EFNA5: variants seen among roughly 807,000 people sequenced by gnomAD.
The protein encoded by EFNA5 is ephrin-A5.
Under a neutral mutation model 22.9 loss-of-function variants are expected in EFNA5, and 5 were observed. The ratio of observed to expected loss-of-function variants is 0.22; its 90% CI spans 0.11 to 0.46. EFNA5 has a LOEUF of 0.46. Among genes scored for constraint, EFNA5 ranks in the 20% least tolerant of loss-of-function variants. The probability of loss-of-function intolerance (pLI) is 0.99; values close to 1 mark genes in which losing one functional copy is unlikely to be tolerated. For synonymous variants in EFNA5, 113 were observed against 112.2 expected (o/e 1.01, Z -0.04); for missense variants, 237 against 293.3 (o/e 0.81, Z 1.40).
intron 1 of EFNA5, among the ~76,000 whole-genome samples, chr5:107,483,131 T>G (rs1463424511): frequency 6.6e-6 from 1 of 152,138 alleles, no homozygotes; most frequent in Non-Finnish European, 1.5e-5. Context: ...TCTTCTGATT[T>G]TTTTATACAG....
Position 107,403,997 on chromosome 5 carries a change from A to C in EFNA5, c.419-16226T>G, listed in dbSNP as rs1748150146. ...AAATGTCTGAAGTTTCTCAATCTTA[A>C]AATAGCCCAGAATCATATAGCTTAT... is the stretch of plus-strand genomic sequence containing the variant. On this transcript the variant is annotated intron_variant, in intron 2 of 4. Transcript: ENST00000333274. Among the ~76,000 whole-genome samples, 4 of 152,250 alleles carry C rather than the reference A, an allele frequency of 2.6e-5. No homozygotes were observed. The South Asian group carries it at 8.3e-4, about 31-fold the overall frequency.
chr5:107,595,670 A>G (rs1749459176), intron 1 of EFNA5, among the ~76,000 whole-genome samples: 1 of 152,208 alleles, frequency 6.6e-6, no homozygotes, highest in African/African-American at 2.4e-5. Flanking sequence ...TGCCGGGGGT[A>G]ACACCCATTC....
At chr5:107,441,500 C>T (rs1749256563) in intron 1 of EFNA5, among the ~76,000 whole-genome samples, 1 of 152,198 alleles carries the variant, frequency 6.6e-6, no homozygotes, top group African/African-American at 2.4e-5. Context: ...ATAACTGGGA[C>T]ATGATCTGAA....
intron 1 of EFNA5, among the ~76,000 whole-genome samples, chr5:107,514,086 T>C (rs1358808200): frequency 1.3e-5 from 2 of 152,192 alleles, no homozygotes; most frequent in African/African-American, 4.8e-5. Context: ...GCTGTTTCTG[T>C]CATGCTAAAT....
chr5:107,465,574 A>C (rs964070882), intron 1 of EFNA5, among the ~76,000 whole-genome samples: 1 of 152,176 alleles, frequency 6.6e-6, no homozygotes, highest in African/African-American at 2.4e-5. Context: ...GCTTCTGAGA[A>C]CTTAAGTCCA....
chr5:107,629,668 T>A (rs469425), intron 1 of EFNA5, among the ~76,000 whole-genome samples: 104,198 of 152,200 alleles, frequency 0.68, 36,047 homozygotes, highest in Non-Finnish European at 0.74. Flanking sequence ...AAAATGCTCA[T>A]AACTAAAGTT....
At chr5:107,409,570 G>A (rs1157407370) in intron 2 of EFNA5, among the ~76,000 whole-genome samples, 3 of 152,174 alleles carry the variant, frequency 2.0e-5, no homozygotes, top group Non-Finnish European at 4.4e-5. Flanking sequence ...GTGAGTGCCT[G>A]TCCTTCTATA....
chr5:107,484,756 C>T (rs1244124948), intron 1 of EFNA5, among the ~76,000 whole-genome samples: 1 of 150,844 alleles, frequency 6.6e-6, no homozygotes, highest in Non-Finnish European at 1.5e-5. Context: ...AGGTAGAGCA[C>T]AGGGAAGATG....
chr5:107,608,222 G>A (rs554233901), intron 1 of EFNA5, among the ~76,000 whole-genome samples: 1 of 152,146 alleles, frequency 6.6e-6, no homozygotes, highest in Admixed American at 6.5e-5. Context: ...TAGGTGTCTT[G>A]TTTGCTGCTC....
chr5:107,511,094 T>G (rs2112434094), intron 1 of EFNA5, among the ~76,000 whole-genome samples: 1 of 151,836 alleles, frequency 6.6e-6, no homozygotes, highest in African/African-American at 2.4e-5. Flanking sequence ...TGGCACGATC[T>G]TGGCTCACTG....
At chr5:107,669,201 AG>A (rs767537262) in intron 1 of EFNA5, among the ~76,000 whole-genome samples, 1 of 151,382 alleles carries the variant, frequency 6.6e-6, no homozygotes, top group Non-Finnish European at 1.5e-5. Context: ...CGCAGGAGAT[AG>A]AAAAAACTGG....
chr5:107,637,179 A>G (rs970176134), intron 1 of EFNA5, among the ~76,000 whole-genome samples: 3 of 152,186 alleles, frequency 2.0e-5, no homozygotes, highest in Admixed American at 2.0e-4. Context: ...CTTTTGATAA[A>G]CCATAACCAA....
intron 1 of EFNA5, among the ~76,000 whole-genome samples, chr5:107,555,290 CA>C (rs1188174398): frequency 6.6e-6 from 1 of 152,194 alleles, no homozygotes; most frequent in East Asian, 1.9e-4. Flanking sequence ...AGATACACAT[CA>C]CCCATTAATC....
chr5:107,453,229 CA>C (rs539094538), intron 1 of EFNA5, among the ~76,000 whole-genome samples: 542 of 152,192 alleles, frequency 3.6e-3, no homozygotes, highest in Non-Finnish European at 6.4e-3. Context: ...GCTATTTAGA[CA>C]TATTAGATAT....
intron 1 of EFNA5, among the ~76,000 whole-genome samples, chr5:107,429,861 A>C (rs572837151): frequency 1.2e-4 from 18 of 152,360 alleles, no homozygotes; most frequent in Non-Finnish European, 2.5e-4. Context: ...AATAATATGT[A>C]TATTTCCCCT....
chr5:107,402,466 C>T (rs572341106), intron 2 of EFNA5, among the ~76,000 whole-genome samples: 2 of 152,322 alleles, frequency 1.3e-5, no homozygotes, highest in African/African-American at 4.8e-5. Context: ...TTACTTTCAG[C>T]ATCATCATGC....
chr5:107,575,740 G>C (rs930274079), intron 1 of EFNA5, among the ~76,000 whole-genome samples: 2 of 152,116 alleles, frequency 1.3e-5, no homozygotes, highest in Non-Finnish European at 2.9e-5. Flanking sequence ...AGAATGAAAA[G>C]ATTTGGTAAA....
At chr5:107,516,764 C>A (rs1747490391) in intron 1 of EFNA5, among the ~76,000 whole-genome samples, 1 of 152,182 alleles carries the variant, frequency 6.6e-6, no homozygotes, top group African/African-American at 2.4e-5. Context: ...AAAGCCAGGG[C>A]TCCTTGCTCC....
chr5:107,380,909 G>T lies in EFNA5; in HGVS notation c.*346C>A. The T allele has an allele frequency of 2.3e-6, 1 of 436,698 alleles. No individual in the cohort carries two copies. The highest frequency in any genetic ancestry group is 3.8e-5 in the Admixed American group (1 of 26,396). The allele number at this position is 436,698 out of a possible 1,614,324, so 27.1% of individuals were successfully genotyped here. Reference sequence around the variant, plus strand: ...TGTCCATAGCCCGCTGACACAGTGCGCTAACGGAGGTGAGTTCTTAGAGGA... The same window carrying T: ...TGTCCATAGCCCGCTGACACAGTGCTCTAACGGAGGTGAGTTCTTAGAGGA... On this transcript the variant is annotated 3_prime_UTR_variant, in exon 5 of 5. Transcript: ENST00000333274.
Sources: gnomAD v4.1 joint callset for allele counts (sites outside exome capture counted in the v4.1 genomes callset) on GRCh38, gnomAD v4.1.1 for gene constraint, MANE v1.5 for transcripts, NCBI Gene and HGNC (gene_info 2026-07-23, HGNC 2026-07-21) for gene names.